The following ATP10A variants were observed in gnomAD, a reference collection of about 807,000 sequenced individuals.
ATP10A encodes ATPase phospholipid transporting 10A (putative).
In ATP10A, 111 loss-of-function variants were observed where a neutral mutation model predicts 147.8. That is an observed-to-expected ratio of 0.75 (90% CI 0.64 to 0.88). The LOEUF is 0.88. Ranked by LOEUF, ATP10A falls within the 40% of genes least tolerant of loss-of-function variation. The probability of loss-of-function intolerance (pLI) is 0.00; values close to 1 mark genes in which losing one functional copy is unlikely to be tolerated. For missense variants in ATP10A, 1,927 were observed against 1,959.0 expected (o/e 0.98, Z 0.31); for synonymous variants, 875 against 841.6 (o/e 1.04, Z -0.69).
chr15:25,727,983 G>A (rs1474900215), intron 3 of ATP10A, among the ~76,000 whole-genome samples: 2 of 152,182 alleles, frequency 1.3e-5, no homozygotes, highest in Non-Finnish European at 2.9e-5. Flanking sequence ...CACAGGGGGA[G>A]GCCTCATAAC....
intron 6 of ATP10A, among the ~76,000 whole-genome samples, chr15:25,723,157 T>A (rs1902346635): frequency 6.6e-6 from 1 of 152,074 alleles, no homozygotes; most frequent in African/African-American, 2.4e-5. Flanking sequence ...AAGACCAGCC[T>A]GGCCAACATG....
chr15:25,785,932 G>A (rs181801878), intron 1 of ATP10A, among the ~76,000 whole-genome samples: 77 of 152,356 alleles, frequency 5.1e-4, no homozygotes, highest in Admixed American at 1.5e-3. Context: ...GAAGCTGGTG[G>A]GGCTGTGCGG....
intron 1 of ATP10A, among the ~76,000 whole-genome samples, chr15:25,813,751 ACC>A (rs1166779434): frequency 3.9e-5 from 6 of 152,222 alleles, no homozygotes; most frequent in Non-Finnish European, 7.3e-5. Context: ...CAGATGAAAA[ACC>A]CACTGATGGG....
chr15:25,676,801 ATCTT>A (rs1899145838), downstream of ATP10A, among the ~76,000 whole-genome samples: 1 of 152,182 alleles, frequency 6.6e-6, no homozygotes, highest in Non-Finnish European at 1.5e-5. Context: ...TCAACCCACT[ATCTT>A]TATACTTCAC....
intron 10 of ATP10A, among the ~76,000 whole-genome samples, chr15:25,712,512 AC>A (rs1318311795): frequency 1.4e-5 from 2 of 143,804 alleles, no homozygotes; most frequent in African/African-American, 2.6e-5. Flanking sequence ...GTTGTCTTGA[AC>A]CCAAGGCTGT....
At chr15:25,806,859 C>G (rs1211564440) in intron 1 of ATP10A, among the ~76,000 whole-genome samples, 2 of 152,210 alleles carry the variant, frequency 1.3e-5, no homozygotes, top group East Asian at 1.9e-4. Context: ...ACATTTACTT[C>G]TCTTCCTCTC....
At chr15:25,826,043 T>TGAAAAGTACAATAAATGAAATAAAAATC (rs1892100023) in intron 1 of ATP10A, among the ~76,000 whole-genome samples, 1 of 152,112 alleles carries the variant, frequency 6.6e-6, no homozygotes, top group Non-Finnish European at 1.5e-5. Flanking sequence ...AAATAAAAAT[T>TGAAAAGTACAATAAATGAAATAAAAATC]TGAAGATCTC....
chr15:25,746,710 C>T (rs562115268), intron 2 of ATP10A, among the ~76,000 whole-genome samples: 1 of 152,278 alleles, frequency 6.6e-6, no homozygotes, highest in Non-Finnish European at 1.5e-5. Flanking sequence ...TAATACAATT[C>T]TAAATGACCA....
chr15:25,792,873 C>CTTTTTTTTTTT (rs56011953), intron 1 of ATP10A, among the ~76,000 whole-genome samples: 2 of 134,196 alleles, frequency 1.5e-5, no homozygotes, highest in Non-Finnish European at 3.1e-5. Context: ...CCTTTTCAAT[C>CTTTTTTTTTTT]TTTTTTTTTT....
Position 25,863,258 on chromosome 15 carries a change from C to T in ATP10A, c.-162G>A. On this transcript the variant is annotated 5_prime_UTR_variant, in exon 1 of 21. Transcript: ENST00000555815. ...CGCCGCCTGGCCGGCCCAGCGCGCC[C>T]AGCCCGCGCCCAGCCCCGTCCACTC... 3.2e-6 allele frequency: 1 copy of T among 313,852 alleles called. No individual in the cohort carries two copies. Among genetic ancestry groups the T allele is most frequent in the Non-Finnish European group, 4.7e-6 (1 of 211,052 alleles). The allele number at this position is 313,852 out of a possible 1,614,324, so 19.4% of individuals were successfully genotyped here. A position where few individuals can be genotyped will look rare whatever the true frequency, so the allele number is the denominator to read the frequency against.
At chr15:25,687,610 C>T (rs991510511) in intron 16 of ATP10A, 93 bp downstream of exon 16, 97 of 793,280 alleles carry the variant, frequency 1.2e-4, no homozygotes, top group Non-Finnish European at 1.4e-4. Flanking sequence ...CATGGCCTCC[C>T]ATCTGCTCCA....
chr15:25,842,455 G>A (rs1173294007), intron 1 of ATP10A, among the ~76,000 whole-genome samples: 2 of 152,070 alleles, frequency 1.3e-5, no homozygotes, highest in African/African-American at 4.8e-5. Flanking sequence ...ATCACGGGGA[G>A]GAGCAGGGAA....
At chr15:25,756,962 A>G (rs1888447268) in intron 2 of ATP10A, among the ~76,000 whole-genome samples, 2 of 152,226 alleles carry the variant, frequency 1.3e-5, no homozygotes, top group Admixed American at 1.3e-4. Context: ...AAACAGCTCA[A>G]ATATAACTGT....
At position 25,742,260 on chromosome 15, in the gene ATP10A, C is replaced by T. The variant is rs570989118; in HGVS notation, c.655-6119G>A. On this transcript the variant is annotated intron_variant, in intron 2 of 20. Coordinates refer to ENST00000555815, the MANE Select transcript of ATP10A (RefSeq NM_024490.4). ...GGCCTCCGCAGTCCTCTTTCAGAGT[C>T]AGCTTCACACAGGTCCACAGGTGGC... 8.7e-5 allele frequency among the ~76,000 whole-genome samples: 13 copies of T among 149,990 alleles called. No individual in the cohort carries two copies. In the South Asian group the frequency reaches 2.4e-3, roughly 27 times the overall value.
intron 2 of ATP10A, among the ~76,000 whole-genome samples, chr15:25,748,888 C>G (rs1449978007): frequency 6.7e-6 from 1 of 150,164 alleles, no homozygotes; most frequent in Non-Finnish European, 1.5e-5. Context: ...CACCCCATAG[C>G]TACTAAAAAT....
At chr15:25,819,091 T>A (rs1891778636) in intron 1 of ATP10A, among the ~76,000 whole-genome samples, 1 of 151,902 alleles carries the variant, frequency 6.6e-6, no homozygotes, top group Non-Finnish European at 1.5e-5. Flanking sequence ...GGACTTAAAC[T>A]AAAAAAGCTT....
intron 1 of ATP10A, among the ~76,000 whole-genome samples, chr15:25,808,419 T>C (rs966290722): frequency 2.6e-5 from 4 of 152,236 alleles, no homozygotes; most frequent in Non-Finnish European, 5.9e-5. Flanking sequence ...AGTTTTGCTC[T>C]TGTTTCCCAG....
chr15:25,679,242 T>C lies in ATP10A; in HGVS notation c.*99A>G. The stretch of plus-strand genomic sequence containing the variant: ...GTTTCCTGTATTAGCCTGGGAAACA[T>C]TTAGAAATACATCTCCCTAGAACTC... On this transcript the variant is annotated 3_prime_UTR_variant, in exon 21 of 21. Coordinates refer to ENST00000555815, the MANE Select transcript of ATP10A (RefSeq NM_024490.4). 1 of 987,674 alleles carries C rather than the reference T, an allele frequency of 1.0e-6. No homozygotes were observed. Among genetic ancestry groups the C allele is most frequent in the Non-Finnish European group, 1.3e-6 (1 of 768,292 alleles). The allele number at this position is 987,674 out of a possible 1,614,324, so 61.2% of individuals were successfully genotyped here. A position where few individuals can be genotyped will look rare whatever the true frequency, so the allele number is the denominator to read the frequency against.
chr15:25,762,061 G>T (rs563724885), intron 2 of ATP10A, among the ~76,000 whole-genome samples: 2 of 152,056 alleles, frequency 1.3e-5, no homozygotes, highest in African/African-American at 4.8e-5. Flanking sequence ...CTCAGGGGTC[G>T]GTTCCCCCCA....
Sources: gnomAD v4.1 joint callset for allele counts (sites outside exome capture counted in the v4.1 genomes callset) on GRCh38, gnomAD v4.1.1 for gene constraint, MANE v1.5 for transcripts, NCBI Gene and HGNC (gene_info 2026-07-23, HGNC 2026-07-21) for gene names.